Variants in CDKL5 observed in about 807,000 individuals in gnomAD.
CDKL5 encodes the protein cyclin dependent kinase like 5.
In CDKL5, 8 loss-of-function variants were observed where a neutral mutation model predicts 61.7. That is an observed-to-expected ratio of 0.13 (90% CI 0.08 to 0.23). The LOEUF is 0.23. CDKL5 is among the 10% of genes least tolerant of loss of function. The pLI, the probability that CDKL5 is intolerant of heterozygous loss-of-function variation, is 1.00. For missense variants in CDKL5, 440 were observed against 734.5 expected (o/e 0.60, Z 4.63); for synonymous variants, 275 against 272.3 (o/e 1.01, Z -0.10).
At chrX:18,595,312 C>G (rs1925955307) in intron 9 of CDKL5, 36 bp from the exon 10 acceptor site, 1 of 1,021,116 alleles carries the variant, frequency 9.8e-7, no homozygotes, top group Admixed American at 2.2e-5. Context: ...ATGTCCTTCC[C>G]CAAATGTTAA....
intron 1 of CDKL5, among the ~76,000 whole-genome samples, chrX:18,452,819 G>GTTTTTTT (rs757726659): frequency 3.5e-5 from 2 of 57,671 alleles, no homozygotes; most frequent in East Asian, 7.3e-4. Flanking sequence ...TAGTTCTCAA[G>GTTTTTTT]TTTTTTTTTT....
At chrX:18,474,656 G>A (rs186476820) in intron 1 of CDKL5, among the ~76,000 whole-genome samples, 2 of 112,138 alleles carry the variant, frequency 1.8e-5, no homozygotes, top group African/African-American at 3.2e-5. Context: ...AAGTAGCAGA[G>A]GAAGATAAAA....
chrX:18,584,499 T>G, intron 8 of CDKL5, 146 bp downstream of exon 8: 1 of 479,639 alleles, frequency 2.1e-6, no homozygotes, highest in Admixed American at 3.2e-5. Flanking sequence ...ACCTAAAACT[T>G]AATGGTATGA....
chrX:18,610,816 T>C (rs1322190841), intron 14 of CDKL5, among the ~76,000 whole-genome samples: 4 of 112,144 alleles, frequency 3.6e-5, no homozygotes, highest in African/African-American at 1.3e-4. Context: ...AGGCCTTGGG[T>C]CAGGAGGCCT....
chrX:18,509,246 C>CACACACA (rs1555940191), intron 2 of CDKL5, among the ~76,000 whole-genome samples: 53 of 97,184 alleles, frequency 5.5e-4, no homozygotes, highest in Middle Eastern at 5.2e-3. Flanking sequence ...CACACACACA[C>CACACACA]CCCTGTCAAG....
intron 2 of CDKL5, among the ~76,000 whole-genome samples, chrX:18,507,382 C>CA (rs1790062442): frequency 9.2e-6 from 1 of 108,586 alleles, no homozygotes; most frequent in Admixed American, 9.9e-5. Flanking sequence ...TTTAATAAAT[C>CA]AAAGATTTTT....
intron 3 of CDKL5, among the ~76,000 whole-genome samples, chrX:18,552,491 C>T (rs939373347): frequency 1.8e-5 from 2 of 112,153 alleles, no homozygotes; most frequent in African/African-American, 6.5e-5. Flanking sequence ...ACTAGCTGTT[C>T]TCCTTTTTTG....
At chrX:18,439,868 A>C (rs189084068) in intron 1 of CDKL5, among the ~76,000 whole-genome samples, 2,664 of 108,889 alleles carry the variant, frequency 0.024, 92 homozygotes, top group African/African-American at 0.084. Flanking sequence ...TGTTTATACT[A>C]TACTGTAGTC....
At position 18,547,887 on chromosome X, in the gene CDKL5, A is replaced by G. The variant is rs192848250; in HGVS notation, c.100-16590A>G. 1.6e-4 allele frequency among the ~76,000 whole-genome samples: 18 copies of G among 112,300 alleles called. No homozygotes were observed. In the East Asian group the frequency reaches 5.0e-3, roughly 31 times the overall value. ...GAACAAAAGGATTTTTAGCAAAGCA[A>G]TTTTGTTTTTGCGCAGAGGGGTGCC... On this transcript the variant is annotated intron_variant, in intron 3 of 17. Transcript: ENST00000623535.
intron 10 of CDKL5, among the ~76,000 whole-genome samples, chrX:18,598,188 A>G (rs756893540): frequency 5.4e-5 from 6 of 111,540 alleles, no homozygotes; most frequent in African/African-American, 2.0e-4. Context: ...TTGATTAATG[A>G]TAAGTGCAGG....
At chrX:18,600,597 T>A (rs192538151) in intron 11 of CDKL5, among the ~76,000 whole-genome samples, 26 of 112,275 alleles carry the variant, frequency 2.3e-4, no homozygotes, top group Non-Finnish European at 3.8e-5. Flanking sequence ...GAAAAGAGGC[T>A]GTGTATTTGT....
chrX:18,509,527 G>C (rs191349069), intron 2 of CDKL5, among the ~76,000 whole-genome samples: 10 of 111,403 alleles, frequency 9.0e-5, no homozygotes, highest in Admixed American at 1.9e-4. Context: ...AGGCTTGCCA[G>C]TCTGCTAATG....
chrX:18,652,440 G>A (rs1010332253), intron 21 of CDKL5, among the ~76,000 whole-genome samples: 4 of 112,114 alleles, frequency 3.6e-5, no homozygotes, highest in Non-Finnish European at 7.5e-5. Context: ...AGGCCGAGGC[G>A]GGAGGATCAC....
chrX:18,616,014 A>C (rs780715409), intron 15 of CDKL5, among the ~76,000 whole-genome samples: 1 of 111,698 alleles, frequency 9.0e-6, no homozygotes, highest in East Asian at 2.8e-4. Context: ...CATCTTTACT[A>C]ATAGGATAAC....
At chrX:18,544,176 T>A (rs1031685328) in intron 3 of CDKL5, among the ~76,000 whole-genome samples, 24 of 111,897 alleles carry the variant, frequency 2.1e-4, no homozygotes, top group African/African-American at 7.8e-4. Flanking sequence ...GGAGGAACCT[T>A]AACTCTATTG....
chrX:18,580,265 A>T (rs2147142911), intron 6 of CDKL5, among the ~76,000 whole-genome samples: 1 of 112,005 alleles, frequency 8.9e-6, no homozygotes, highest in African/African-American at 3.2e-5. Context: ...AACTCAACAA[A>T]TGTGAACTTT....
At position 18,564,234 on chromosome X, in the gene CDKL5, A is replaced by G. The variant is rs187395206; in HGVS notation, c.100-243A>G. 0.01 allele frequency among the ~76,000 whole-genome samples: 1,155 copies of G among 111,398 alleles called. 6 individuals are homozygous for G. Among genetic ancestry groups the G allele is most frequent in the Non-Finnish European group, 0.014 (755 of 53,044 alleles). On this transcript the variant is annotated intron_variant, in intron 3 of 17. Transcript: ENST00000623535. ...TATGAGTTACGCATATTCTGTCACC[A>G]TATCTGCTCTTTGCTCCACACCCTC...
intron 1 of CDKL5, among the ~76,000 whole-genome samples, chrX:18,439,745 G>A (rs997400315): frequency 8.3e-5 from 9 of 107,863 alleles, no homozygotes; most frequent in Non-Finnish European, 1.5e-4. Context: ...GCTGAGGCAG[G>A]AGAATCGCTT....
intron 3 of CDKL5, among the ~76,000 whole-genome samples, chrX:18,553,795 T>G (rs999330714): frequency 7.1e-5 from 8 of 111,963 alleles, no homozygotes; most frequent in African/African-American, 2.6e-4. Context: ...ACTTCCCATG[T>G]CTTCCTTTTT....
Sources: allele counts gnomAD v4.1 joint callset (sites outside exome capture counted in the v4.1 genomes callset), GRCh38; gene constraint gnomAD v4.1.1; transcripts MANE v1.5; gene names NCBI Gene and HGNC (gene_info 2026-07-23, HGNC 2026-07-21).